The following STAU2 variants were observed in gnomAD, a reference collection of about 807,000 sequenced individuals.
STAU2 encodes the protein double-stranded RNA-binding protein Staufen homolog 2.
In STAU2, 20 loss-of-function variants were observed where a neutral mutation model predicts 65.9. The ratio of observed to expected loss-of-function variants is 0.30; its 90% confidence interval spans 0.21 to 0.44. The LOEUF (loss-of-function observed/expected upper bound fraction) is 0.44, where lower values mean the gene tolerates loss of function less well. Among genes scored for constraint, STAU2 ranks in the 20% least tolerant of loss-of-function variants. The probability of loss-of-function intolerance (pLI) is 1.00; values close to 1 mark genes in which losing one functional copy is unlikely to be tolerated. For missense variants in STAU2, 558 were observed against 683.9 expected, an observed-to-expected ratio of 0.82 and a Z score of 2.05; for synonymous variants, 232 against 233.9, an observed-to-expected ratio of 0.99 and a Z score of 0.07.
intron 6 of STAU2, among the ~76,000 whole-genome samples, chr8:73,646,871 TAA>T (rs1270886364): frequency 1.5e-5 from 2 of 129,512 alleles, no homozygotes; most frequent in Admixed American, 7.9e-5. Flanking sequence ...AACTCAACAG[TAA>T]AAAAAAAACA....
At chr8:73,458,469 G>A (rs1819183855) in intron 13 of STAU2, among the ~76,000 whole-genome samples, 1 of 152,218 alleles carries the variant, frequency 6.6e-6, no homozygotes, top group South Asian at 2.1e-4. Context: ...TGCAGTTTCA[G>A]TAACAGTTGC....
At chr8:73,681,648 T>C (rs1435957838) in intron 5 of STAU2, among the ~76,000 whole-genome samples, 3 of 152,130 alleles carry the variant, frequency 2.0e-5, no homozygotes, top group Non-Finnish European at 4.4e-5. Context: ...TGAATGTAAA[T>C]GGCCTAAATG....
rs1586165974 is a variant in STAU2 at position 73,635,952 on chromosome 8, C to CACACACACACACA, written c.411-18502_411-18501insTGTGTGTGTGTGT. On this transcript the variant is annotated intron_variant, in intron 6 of 14. Coordinates refer to ENST00000524300, the MANE Select transcript of STAU2 (RefSeq NM_001164380.2). ...CACACACACACACACACACACACAC[C>CACACACACACACA]CCTGGAACCAATTCAAAGAAATTTA... Among the ~76,000 whole-genome samples the CACACACACACACA allele has an allele frequency of 3.1e-3, 249 of 80,238 alleles. 5 individuals carry two copies. Among genetic ancestry groups the CACACACACACACA allele is most frequent in the African/African-American group, 8.9e-3 (200 of 22,552 alleles). 52.6% of individuals were successfully genotyped at this position (80,238 alleles called of 152,430 possible).
chr8:73,542,428 A>G (rs945122046), intron 13 of STAU2, among the ~76,000 whole-genome samples: 3 of 152,180 alleles, frequency 2.0e-5, no homozygotes, highest in Non-Finnish European at 4.4e-5. Context: ...GGGGTAGTCA[A>G]AAGATTCCTC....
chr8:73,617,972 A>G (rs1345790015), intron 6 of STAU2, among the ~76,000 whole-genome samples: 1 of 152,230 alleles, frequency 6.6e-6, no homozygotes, highest in East Asian at 1.9e-4. Flanking sequence ...TTATATTCAT[A>G]CATTTTACGG....
chr8:73,677,109 A>C (rs1818078849), intron 5 of STAU2, among the ~76,000 whole-genome samples: 1 of 152,220 alleles, frequency 6.6e-6, no homozygotes, highest in African/African-American at 2.4e-5. Context: ...GCCTAATGCC[A>C]ACAGGCATAT....
At chr8:73,712,482 C>G (rs1294836769) in intron 3 of STAU2, among the ~76,000 whole-genome samples, 2 of 152,056 alleles carry the variant, frequency 1.3e-5, no homozygotes, top group African/African-American at 4.8e-5. Context: ...TAATACCAAA[C>G]ACTGTTAACA....
chr8:73,444,013 T>G lies in STAU2; in HGVS notation c.1531-21311A>C, dbSNP rs139625101. Reference sequence around the variant, plus strand: ...GTCAGGGACCCAGACTCCTTCCATGTTGTGACTCTGCTCTCCTCTAGGCTA... The same window carrying G: ...GTCAGGGACCCAGACTCCTTCCATGGTGTGACTCTGCTCTCCTCTAGGCTA... On this transcript the variant is annotated intron_variant, in intron 13 of 14. Coordinates refer to ENST00000524300, the MANE Select transcript of STAU2 (RefSeq NM_001164380.2). 3.4e-4 allele frequency among the ~76,000 whole-genome samples: 52 copies of G among 152,308 alleles called. No homozygotes were observed. The East Asian group carries it at 0.01, about 29-fold the overall frequency.
chr8:73,530,251 G>A (rs1400807610), intron 13 of STAU2, among the ~76,000 whole-genome samples: 5 of 152,098 alleles, frequency 3.3e-5, no homozygotes, highest in Admixed American at 2.0e-4. Context: ...ACTCACAAAA[G>A]AACCTAATCT....
chr8:73,596,554 AACTTTGGAAATT>A (rs1171346023), intron 10 of STAU2, among the ~76,000 whole-genome samples: 5 of 152,236 alleles, frequency 3.3e-5, no homozygotes, highest in Non-Finnish European at 7.3e-5. Flanking sequence ...AGTTAATCAC[AACTTTGGAAATT>A]AAACAGTGTA....
At chr8:73,425,093 T>A (rs1265857270) in intron 13 of STAU2, among the ~76,000 whole-genome samples, 1 of 152,112 alleles carries the variant, frequency 6.6e-6, no homozygotes, top group Non-Finnish European at 1.5e-5. Context: ...TGTGTGGCCA[T>A]CTCCCTGGAT....
At chr8:73,447,781 G>A (rs758176928) in intron 13 of STAU2, among the ~76,000 whole-genome samples, 10 of 152,166 alleles carry the variant, frequency 6.6e-5, no homozygotes, top group Non-Finnish European at 1.3e-4. Context: ...AAAGTTAGCA[G>A]TCGTTTTCCT....
At chr8:73,658,940 C>CAAA (rs1333134052) in intron 6 of STAU2, among the ~76,000 whole-genome samples, 1 of 51,620 alleles carries the variant, frequency 1.9e-5, no homozygotes, top group African/African-American at 4.8e-5. Context: ...ACAACAAAAA[C>CAAA]AACAAAAAAA....
intron 12 of STAU2, among the ~76,000 whole-genome samples, chr8:73,555,401 A>AT (rs1807665987): frequency 6.6e-6 from 1 of 152,194 alleles, no homozygotes; most frequent in African/African-American, 2.4e-5. Context: ...CTTTATCCTG[A>AT]TGCCATTAAG....
chr8:73,729,954 T>C (rs1312619496), intron 3 of STAU2, among the ~76,000 whole-genome samples: 2 of 152,216 alleles, frequency 1.3e-5, no homozygotes, highest in African/African-American at 2.4e-5. Flanking sequence ...GGTTTGTCAA[T>C]TTCATTGATC....
At chr8:73,668,772 C>G (rs1817430888) in intron 6 of STAU2, among the ~76,000 whole-genome samples, 1 of 152,116 alleles carries the variant, frequency 6.6e-6, no homozygotes, top group African/African-American at 2.4e-5. Context: ...GTTGTATCTA[C>G]AGAGTTTGCT....
intron 6 of STAU2, among the ~76,000 whole-genome samples, chr8:73,672,622 A>C (rs572347344): frequency 9.8e-5 from 15 of 152,324 alleles, no homozygotes; most frequent in Non-Finnish European, 1.8e-4. Context: ...CAAAGAAAAA[A>C]AGAATGTAAA....
At chr8:73,548,389 C>T (rs955355286) in intron 13 of STAU2, among the ~76,000 whole-genome samples, 4 of 151,926 alleles carry the variant, frequency 2.6e-5, no homozygotes, top group Admixed American at 2.6e-4. Flanking sequence ...CAGCCACCAC[C>T]CCCCCACTTC....
chr8:73,440,347 C>T (rs374235921), intron 13 of STAU2: 6 of 152,344 alleles, frequency 3.9e-5, no homozygotes, highest in South Asian at 2.1e-4. Flanking sequence ...GATTTCTCCA[C>T]TTAGATGTCT....
Sources: gnomAD v4.1 joint callset for allele counts (sites outside exome capture counted in the v4.1 genomes callset) on GRCh38, gnomAD v4.1.1 for gene constraint, MANE v1.5 for transcripts, NCBI Gene and HGNC (gene_info 2026-07-23, HGNC 2026-07-21) for gene names.